The following SLF2 variants were observed in gnomAD, a reference collection of about 807,000 sequenced individuals.
The protein encoded by SLF2 is SMC5-SMC6 complex localization factor protein 2.
Under a neutral mutation model 124.3 loss-of-function variants are expected in SLF2, and 68 were observed. The ratio of observed to expected loss-of-function variants is 0.55; its 90% confidence interval spans 0.45 to 0.67. The LOEUF is 0.67. SLF2 is among the 30% of genes least tolerant of loss of function. SLF2 has a pLI of 0.00. For missense variants in SLF2, 1,246 were observed against 1,373.7 expected (o/e 0.91, Z 1.47); for synonymous variants, 480 against 478.8 (o/e 1.00, Z -0.03).
chr10:100,928,067 ACG>A (rs66499437), intron 6 of SLF2, among the ~76,000 whole-genome samples: 7,863 of 74,792 alleles, frequency 0.11, 905 homozygotes, highest in Non-Finnish European at 0.16. Flanking sequence ...ACACACACAC[ACG>A]AGAGAGAGAC....
rs541081798 is a variant in SLF2 at position 100,929,820 on chromosome 10, T to C, written c.2166-10T>C. On this transcript the variant is annotated splice_polypyrimidine_tract_variant and intron_variant, in intron 7 of 19. Transcript: ENST00000238961. ...CAATTTGGTATTGATTGACTTTTTT[T>C]ATGTTTCAGGGAATTTCTAAAGAAA... is the stretch of plus-strand genomic sequence containing the variant. 3.8e-5 allele frequency: 59 copies of C among 1,565,142 alleles called. No homozygotes were observed. The South Asian group carries it at 5.9e-4, about 16-fold the overall frequency.
intron 1 of SLF2, chr10:100,913,972 C>A: frequency 1.3e-6 from 1 of 764,150 alleles, no homozygotes; most frequent in Non-Finnish European, 1.6e-6. Flanking sequence ...TACAGGCCCA[C>A]AATCCCTTAT....
At chr10:100,940,382 CAG>C (rs1010519195) in intron 11 of SLF2, among the ~76,000 whole-genome samples, 2 of 152,156 alleles carry the variant, frequency 1.3e-5, no homozygotes, top group African/African-American at 4.8e-5. Context: ...TTGTTTGAGA[CAG>C]GGTCTTGCTT....
chr10:100,932,873 AG>A (rs34885024), intron 9 of SLF2, among the ~76,000 whole-genome samples: 53,738 of 152,004 alleles, frequency 0.35, 10,890 homozygotes, highest in Middle Eastern at 0.53. Context: ...CTTGCGGTTA[AG>A]GTAAGATCCA....
chr10:100,913,403 C>T (rs937986372), intron 1 of SLF2, 153 bp downstream of exon 1: 5 of 1,359,802 alleles, frequency 3.7e-6, no homozygotes, highest in Non-Finnish European at 2.8e-6. Flanking sequence ...CGCCTCCGCG[C>T]AGGGGCTACT....
At chr10:100,929,029 G>A (rs1849674466) in intron 6 of SLF2, among the ~76,000 whole-genome samples, 1 of 152,168 alleles carries the variant, frequency 6.6e-6, no homozygotes, top group Admixed American at 6.5e-5. Flanking sequence ...GATCATTCTT[G>A]AAGTTCTAGC....
intron 1 of SLF2, among the ~76,000 whole-genome samples, chr10:100,915,083 A>G (rs979356290): frequency 1.3e-5 from 2 of 152,210 alleles, no homozygotes; most frequent in Non-Finnish European, 1.5e-5. Flanking sequence ...ATGGATTCCT[A>G]TTTCACTTTA....
At chr10:100,943,519 T>C (rs1850019690) in intron 11 of SLF2, 1 of 152,258 alleles carries the variant, frequency 6.6e-6, no homozygotes, top group African/African-American at 2.4e-5. Flanking sequence ...GCTAAGTTCA[T>C]GCATCTCCTT....
intron 15 of SLF2, 66 bp downstream of exon 15, chr10:100,947,913 A>G: frequency 8.2e-7 from 1 of 1,225,320 alleles, no homozygotes; most frequent in Non-Finnish European, 1.2e-6. Flanking sequence ...AGGAAAATTG[A>G]TGAACCCTAA....
intron 17 of SLF2, among the ~76,000 whole-genome samples, chr10:100,955,627 G>A (rs543519022): frequency 6.6e-6 from 1 of 152,238 alleles, no homozygotes; most frequent in South Asian, 2.1e-4. Context: ...AAAAATATTG[G>A]CTGGGCGCGG....
intron 17 of SLF2, among the ~76,000 whole-genome samples, chr10:100,955,301 A>G (rs1850309561): frequency 6.6e-6 from 1 of 152,068 alleles, no homozygotes; most frequent in South Asian, 2.1e-4. Context: ...ATTCCCATAT[A>G]TACCAGAAAG....
At chr10:100,922,675 T>C (rs1294849639) in intron 4 of SLF2, among the ~76,000 whole-genome samples, 1 of 152,076 alleles carries the variant, frequency 6.6e-6, no homozygotes, top group Non-Finnish European at 1.5e-5. Context: ...CTTTGGTACC[T>C]AGGCTGGTCT....
Position 100,956,446 on chromosome 10 carries a change from C to T in SLF2, c.3331-5C>T, listed in dbSNP as rs370358941. Reference sequence around the variant, plus strand: ...GTTTTCATCCCTTGCATTTGTTTTGCACAGAAACACTTTGTGCTACTCTGT... The same window carrying T: ...GTTTTCATCCCTTGCATTTGTTTTGTACAGAAACACTTTGTGCTACTCTGT... On this transcript the variant is annotated splice_region_variant and splice_polypyrimidine_tract_variant and intron_variant, in intron 17 of 19. Coordinates refer to ENST00000238961, the MANE Select transcript of SLF2 (RefSeq NM_018121.4). The T allele has an allele frequency of 3.8e-6, 6 of 1,594,950 alleles. No homozygotes were observed. In the African/African-American group the frequency reaches 6.8e-5, roughly 18 times the overall value.
intron 4 of SLF2, among the ~76,000 whole-genome samples, chr10:100,921,945 T>C (rs1033005277): frequency 6.6e-6 from 1 of 152,226 alleles, no homozygotes; most frequent in African/African-American, 2.4e-5. Context: ...TAATGGGAGA[T>C]ATCTGTAAAA....
At chr10:100,919,855 G>A (rs192424934) in intron 4 of SLF2, among the ~76,000 whole-genome samples, 6 of 152,296 alleles carry the variant, frequency 3.9e-5, no homozygotes, top group African/African-American at 1.4e-4. Flanking sequence ...AGATGGAAAA[G>A]CCAAAGTACA....
At chr10:100,916,498 C>T (rs1217862124) in intron 2 of SLF2, 72 bp from the exon 3 acceptor site, 1 of 1,136,846 alleles carries the variant, frequency 8.8e-7, no homozygotes, top group East Asian at 3.4e-5. Flanking sequence ...ATATTTTAAA[C>T]ATTAATAATT....
chr10:100,955,545 A>G (rs1289365072), intron 17 of SLF2, among the ~76,000 whole-genome samples: 1 of 152,104 alleles, frequency 6.6e-6, no homozygotes, highest in Non-Finnish European at 1.5e-5. Context: ...GGATCACTTG[A>G]AGCCATGCAT....
intron 17 of SLF2, 71 bp from the exon 18 acceptor site, chr10:100,956,380 A>G: frequency 9.4e-7 from 1 of 1,067,596 alleles, no homozygotes; most frequent in Non-Finnish European, 1.4e-6. Context: ...TAGTTGTTCT[A>G]GCTGCATAAT....
rs1410459115 is a variant in SLF2 at position 100,947,141 on chromosome 10, TA to T, written c.3032+10del. 6.6e-7 allele frequency: 1 copy of T among 1,509,562 alleles called. No homozygotes were observed. 93.5% of individuals were successfully genotyped at this position (1,509,562 alleles called of 1,614,324 possible). A position where few individuals can be genotyped will look rare whatever the true frequency, so the allele number is the denominator to read the frequency against. ...TAATTGGACATCACGTGGAAGGTAT[TA>T]AAAAGTGAAAATTAAACATTAAGAA... On this transcript the variant is annotated splice_donor_region_variant and intron_variant, in intron 14 of 19. Coordinates refer to ENST00000238961, the MANE Select transcript of SLF2 (RefSeq NM_018121.4).
Sources: gnomAD v4.1 joint callset for allele counts (sites outside exome capture counted in the v4.1 genomes callset) on GRCh38, gnomAD v4.1.1 for gene constraint, MANE v1.5 for transcripts, NCBI Gene and HGNC (gene_info 2026-07-23, HGNC 2026-07-21) for gene names.